Variants in CACNA1H observed in about 807,000 individuals in gnomAD.
CACNA1H encodes the protein calcium voltage-gated channel subunit alpha1 H, also known as voltage-dependent T-type calcium channel subunit alpha-1H.
CACNA1H carries 149 observed loss-of-function variants against 192.5 expected under a neutral mutation model. The ratio of observed to expected loss-of-function variants is 0.77; its 90% CI spans 0.68 to 0.89. The LOEUF (loss-of-function observed/expected upper bound fraction) is 0.89. Ranked by LOEUF, CACNA1H falls within the 40% of genes least tolerant of loss-of-function variation. The pLI is 0.00. For synonymous variants in CACNA1H, 2,202 were observed against 1,475.2 expected (o/e 1.49, Z -11.29); for missense variants, 4,257 against 3,423.5 (o/e 1.24, Z -6.08).
chr16:1,162,381 C>T (rs1487940250), intron 2 of CACNA1H, among the ~76,000 whole-genome samples: 1 of 152,152 alleles, frequency 6.6e-6, no homozygotes, highest in Non-Finnish European at 1.5e-5. Flanking sequence ...TGGGCCCCCC[C>T]GGAGGGAGAA....
At chr16:1,181,762 C>T (rs535985873) in intron 2 of CACNA1H, among the ~76,000 whole-genome samples, 17 of 152,258 alleles carry the variant, frequency 1.1e-4, no homozygotes, top group African/African-American at 4.8e-5. Flanking sequence ...GTGGGGGACC[C>T]GCCCTCATCT....
In CACNA1H at chr16:1,214,849, A is replaced by G. The variant is rs966402041; in HGVS notation, c.4930-123A>G. 5.9e-6 allele frequency: 4 copies of G among 682,324 alleles called. No individual in the cohort carries two copies. The African/African-American group carries it at 7.1e-5, about 12-fold the overall frequency. 42.3% of individuals were successfully genotyped at this position (682,324 alleles called of 1,614,324 possible). A position where few individuals can be genotyped will look rare whatever the true frequency, so the allele number is the denominator to read the frequency against. On this transcript the variant is annotated intron_variant, in intron 27 of 34. Transcript: ENST00000348261. Reference sequence around the variant, plus strand: ...GGCTCCCGGTGCCCAGGGAGGAGCTACTGAGCTGACCTGGGAGCCTCCAGG... The same window carrying G: ...GGCTCCCGGTGCCCAGGGAGGAGCTGCTGAGCTGACCTGGGAGCCTCCAGG...
intron 17 of CACNA1H, among the ~76,000 whole-genome samples, chr16:1,209,651 T>C (rs1378272523): frequency 6.6e-6 from 1 of 152,204 alleles, no homozygotes; most frequent in Non-Finnish European, 1.5e-5. Context: ...ACGCACGGCC[T>C]GCATACGGGG....
chr16:1,207,190 G>C (rs1239477661), intron 13 of CACNA1H, 72 bp downstream of exon 13: 2 of 1,550,050 alleles, frequency 1.3e-6, no homozygotes, highest in Non-Finnish European at 1.7e-6. Flanking sequence ...GTGCCGTCCT[G>C]CGCATCCATA....
intron 2 of CACNA1H, among the ~76,000 whole-genome samples, chr16:1,185,256 G>T (rs1965869090): frequency 6.6e-6 from 1 of 152,200 alleles, no homozygotes; most frequent in Non-Finnish European, 1.5e-5. Flanking sequence ...GGGTCTGTTG[G>T]TGAACACCAG....
intron 30 of CACNA1H, among the ~76,000 whole-genome samples, 171 bp downstream of exon 30, chr16:1,215,764 G>T (rs552991095): frequency 7.2e-5 from 11 of 152,300 alleles, no homozygotes; most frequent in Admixed American, 7.2e-4. Flanking sequence ...GCTGGCAGAG[G>T]TGGATCCAGC....
chr16:1,210,330 G>T, intron 18 of CACNA1H, 40 bp from the exon 19 acceptor site: 1 of 1,407,118 alleles, frequency 7.1e-7, no homozygotes, highest in Middle Eastern at 2.2e-4. Context: ...TGCCATCCAC[G>T]CCGCCCCGCC....
Position 1,221,502 on chromosome 16 carries a change from G to A in CACNA1H, c.*508G>A, listed in dbSNP as rs1052239519. Reference sequence around the variant, plus strand: ...TTCCAGCCACCACCCTTTCCGTTCCGCTCGGGCCTTCCCAGAAGCGTCCTG... The same window carrying A: ...TTCCAGCCACCACCCTTTCCGTTCCACTCGGGCCTTCCCAGAAGCGTCCTG... On this transcript the variant is annotated 3_prime_UTR_variant, in exon 35 of 35. Coordinates refer to ENST00000348261, the MANE Select transcript of CACNA1H (RefSeq NM_021098.3). 3.3e-5 allele frequency: 13 copies of A among 390,796 alleles called. No individual in the cohort carries two copies. The highest frequency in any genetic ancestry group is 1.0e-4 in the East Asian group (2 of 19,678). 24.2% of individuals were successfully genotyped at this position (390,796 alleles called of 1,614,324 possible).
rs2141407028 is a variant in CACNA1H at position 1,220,117 on chromosome 16, C to T, written c.6185C>T (p.Pro2062Leu). ...GGSLQSPPRS[P>L]RPASVRTRKH... ...TCCCTGCAGTCCCCACCACGCTCCCCACGGCCCGCCAGCGTCCGCACTCGT... is the reference window on the plus strand; with the variant it reads ...TCCCTGCAGTCCCCACCACGCTCCCTACGGCCCGCCAGCGTCCGCACTCGT... Residue 2062 changes from proline to leucine, a missense_variant, in exon 35 of 35, where the codon CCA (proline) becomes CTA (leucine). Coordinates refer to ENST00000348261, the MANE Select transcript of CACNA1H (RefSeq NM_021098.3). The T allele has an allele frequency of 3.4e-6, 5 of 1,490,444 alleles. No individual in the cohort carries two copies. Among genetic ancestry groups the T allele is most frequent in the Non-Finnish European group, 3.6e-6 (4 of 1,122,116 alleles). The allele number at this position is 1,490,444 out of a possible 1,614,324, so 92.3% of individuals were successfully genotyped here. A position where few individuals can be genotyped will look rare whatever the true frequency, so the allele number is the denominator to read the frequency against.
At chr16:1,188,331 CCT>C (rs759126536) in intron 2 of CACNA1H, among the ~76,000 whole-genome samples, 7 of 152,176 alleles carry the variant, frequency 4.6e-5, no homozygotes, top group African/African-American at 9.7e-5. Flanking sequence ...CTGAGGAACC[CCT>C]GTCCCTACCC....
At position 1,207,304 on chromosome 16, in the gene CACNA1H, C is replaced by T. The variant is rs770074317; in HGVS notation, c.2937C>T (p.Val979=). ...TGACCCAGGAGGACTGGAACGTGGTCCTGTACAACGGCATGGCCTCCACCT... is the reference window on the plus strand; with the variant it reads ...TGACCCAGGAGGACTGGAACGTGGTTCTGTACAACGGCATGGCCTCCACCT... The part of the protein sequence containing the change: ...QILTQEDWNV[V]LYNGMASTSS... The change falls in exon 14 of 35, where the codon GTC becomes GTT. Residue 979 remains valine, a synonymous_variant. Transcript: ENST00000348261. The T allele has an allele frequency of 2.5e-6, 4 of 1,610,728 alleles. No individual in the cohort carries two copies. The South Asian group carries it at 4.4e-5, about 18-fold the overall frequency.
At chr16:1,213,387 G>T (rs1417006318) in intron 26 of CACNA1H, among the ~76,000 whole-genome samples, 2 of 152,006 alleles carry the variant, frequency 1.3e-5, no homozygotes, top group Non-Finnish European at 2.9e-5. Context: ...GAGCTCCAGG[G>T]GGGCGGGCCC....
intron 2 of CACNA1H, among the ~76,000 whole-genome samples, chr16:1,193,688 C>T (rs894351971): frequency 4.6e-5 from 7 of 152,220 alleles, no homozygotes; most frequent in South Asian, 2.1e-4. Flanking sequence ...GTGTAATTAC[C>T]GCACTCTTGG....
rs142396106 is a variant in CACNA1H at position 1,185,570 on chromosome 16, G to A, written c.300-9402G>A. On this transcript the variant is annotated intron_variant, in intron 2 of 34. Transcript: ENST00000348261. ...GCTCAGAAAGCCTAGTGGGGCACGG[G>A]GGTCCATGGCGGGTGAGTAGACGGT... 9.9e-3 allele frequency among the ~76,000 whole-genome samples: 1,112 copies of A among 111,814 alleles called. 50 individuals carry two copies. Among genetic ancestry groups the A allele is most frequent in the Middle Eastern group, 0.045 (11 of 244 alleles). The allele number at this position is 111,814 out of a possible 152,430, so 73.4% of individuals were successfully genotyped here.
chr16:1,202,757 C>T (rs1472940873), intron 9 of CACNA1H, among the ~76,000 whole-genome samples: 3 of 152,142 alleles, frequency 2.0e-5, no homozygotes, highest in Non-Finnish European at 4.4e-5. Context: ...ATTGCCCCTG[C>T]CTGGCCCCGA....
Position 1,206,210 on chromosome 16 carries a change from C to T in CACNA1H, c.2710C>T (p.Gln904Ter). 2 of 1,593,556 alleles carry T rather than the reference C, an allele frequency of 1.3e-6. No homozygotes were observed. The highest frequency in any genetic ancestry group is 1.7e-6 in the Non-Finnish European group (2 of 1,171,026). The change falls in exon 12 of 35, where the codon CAG (glutamine) becomes TAG (stop). Residue 904 changes from glutamine to a stop codon, truncating the protein, a stop_gained. Transcript: ENST00000348261. LOFTEE classifies it high-confidence loss of function. ...LVRFLPALRR[Q>*]LVVLVKTMDN... ...GCGCTTTCTGCCAGCCCTGCGGCGC[C>T]AGCTCGTGGTGCTGGTGAAGACCAT...
Position 1,202,295 on chromosome 16 carries a change from G to A in CACNA1H, c.1845G>A (p.Thr615=), listed in dbSNP as rs776887979. Residue 615 remains threonine (T), a synonymous_variant, in exon 9 of 35, where the codon ACG becomes ACA. Transcript: ENST00000348261. ...GGCTGGGCACCATGAACTACCCCAC[G>A]ATCCTGCCCTCAGGGGTGGGCAGCG... ...ATGLGTMNYP[T]ILPSGVGSGK... is the part of the protein sequence containing the mutation. 1.4e-5 allele frequency: 22 copies of A among 1,584,950 alleles called. No homozygotes were observed. The highest frequency in any genetic ancestry group is 9.4e-5 in the African/African-American group (7 of 74,250).
At position 1,168,192 on chromosome 16, in the gene CACNA1H, A is replaced by AC. The variant is rs1567445771; in HGVS notation, c.299+14156_299+14157insC. ...CTCCAGTTGGGGCGGTTGATGTGGG[A>AC]TCCCCCCCCCCAAGTGACAGTTTCT... On this transcript the variant is annotated intron_variant, in intron 2 of 34. Transcript: ENST00000348261. Among the ~76,000 whole-genome samples the AC allele has an allele frequency of 1.0e-3, 153 of 149,082 alleles. 1 individual carries two copies. Among genetic ancestry groups the AC allele is most frequent in the South Asian group, 7.0e-3 (33 of 4,712 alleles).
Position 1,220,723 on chromosome 16 carries a change from C to G in CACNA1H, c.6791C>G (p.Pro2264Arg), listed in dbSNP as rs1308532566. 1 of 1,612,132 alleles carries G rather than the reference C, an allele frequency of 6.2e-7. No individual in the cohort carries two copies. The highest frequency in any genetic ancestry group is 8.5e-7 in the Non-Finnish European group (1 of 1,179,668). ...TGCCGGGCTGAGCACCTGACCGTCCCCAGCTTTGCCTTTGAGCCGCTGGAC... is the reference window on the plus strand; with the variant it reads ...TGCCGGGCTGAGCACCTGACCGTCCGCAGCTTTGCCTTTGAGCCGCTGGAC... ...ASCRAEHLTV[P>R]SFAFEPLDLG... is the part of the protein sequence containing the mutation. The change falls in exon 35 of 35, where the codon CCC (proline) becomes CGC (arginine). Residue 2264 changes from proline to arginine, a missense_variant. Coordinates refer to ENST00000348261, the MANE Select transcript of CACNA1H (RefSeq NM_021098.3).
Sources: allele counts gnomAD v4.1 joint callset (sites outside exome capture counted in the v4.1 genomes callset), GRCh38; gene constraint gnomAD v4.1.1; transcripts MANE v1.5; gene names NCBI Gene and HGNC (gene_info 2026-07-23, HGNC 2026-07-21).